Variants in FRK observed in about 807,000 individuals in gnomAD.
FRK encodes tyrosine-protein kinase FRK.
A neutral mutation model predicts 56.4 loss-of-function variants in FRK; 51 were observed. The observed-to-expected ratio is 0.90, with a 90% CI of 0.72 to 1.14. FRK has a LOEUF of 1.14. FRK is among the 50% of genes most tolerant of loss of function. The probability of loss-of-function intolerance (pLI) is 0.00; values close to 1 mark genes in which losing one functional copy is unlikely to be tolerated. For missense variants in FRK, 570 were observed against 601.4 expected, an observed-to-expected ratio of 0.95 and a Z score of 0.55; for synonymous variants, 245 against 217.9, an observed-to-expected ratio of 1.12 and a Z score of -1.10.
At chr6:116,023,800 ATTG>A (rs1251471511) in intron 1 of FRK, among the ~76,000 whole-genome samples, 3 of 152,136 alleles carry the variant, frequency 2.0e-5, no homozygotes, top group Non-Finnish European at 4.4e-5. Flanking sequence ...CTACATCATT[ATTG>A]TTGTGTTATT....
intron 1 of FRK, chr6:116,039,160 G>T (rs1480247328): frequency 2.9e-5 from 30 of 1,046,298 alleles, no homozygotes; most frequent in Non-Finnish European, 4.4e-5. Flanking sequence ...AAAGGGAAGT[G>T]GCATCACTGA....
intron 1 of FRK, among the ~76,000 whole-genome samples, chr6:116,054,963 C>A (rs1777335130): frequency 6.6e-6 from 1 of 151,972 alleles, no homozygotes; most frequent in South Asian, 2.1e-4. Flanking sequence ...GGTCTCATAT[C>A]CCAGCTAAGA....
At chr6:115,966,720 G>A (rs1017804602) in intron 4 of FRK, among the ~76,000 whole-genome samples, 7 of 152,168 alleles carry the variant, frequency 4.6e-5, no homozygotes, top group Admixed American at 3.3e-4. Flanking sequence ...CACTTTTATA[G>A]ACTGTCACTT....
At chr6:115,947,041 T>C (rs1323383627) in intron 5 of FRK, among the ~76,000 whole-genome samples, 1 of 151,920 alleles carries the variant, frequency 6.6e-6, no homozygotes, top group Non-Finnish European at 1.5e-5. Flanking sequence ...ACAAGAAGGT[T>C]CTGGTAGAGG....
the FRK span, among the ~76,000 whole-genome samples, chr6:116,088,939 A>C: frequency 1.3e-5 from 2 of 152,218 alleles, no homozygotes; most frequent in African/African-American, 4.8e-5. Context: ...ACAGTTTATA[A>C]GGGATTCCTG....
chr6:116,033,135 C>T (rs1343007632), intron 1 of FRK, among the ~76,000 whole-genome samples: 1 of 151,354 alleles, frequency 6.6e-6, no homozygotes, highest in African/African-American at 2.4e-5. Context: ...TATGATGGAT[C>T]ACAGGCAGCC....
intron 2 of FRK, among the ~76,000 whole-genome samples, chr6:115,975,277 A>G (rs1773950936): frequency 1.3e-5 from 2 of 152,096 alleles, no homozygotes; most frequent in Admixed American, 1.3e-4. Context: ...ATGAGCATTT[A>G]TATATGGTTC....
chr6:115,998,200 A>G (rs1223267484), intron 2 of FRK, among the ~76,000 whole-genome samples: 1 of 152,084 alleles, frequency 6.6e-6, no homozygotes, highest in Non-Finnish European at 1.5e-5. Flanking sequence ...CTATAATTTC[A>G]AACAGCAACT....
the FRK span, among the ~76,000 whole-genome samples, chr6:116,089,968 T>C: frequency 1.3e-5 from 2 of 152,326 alleles, no homozygotes; most frequent in South Asian, 2.1e-4. Flanking sequence ...AATGCCAGAT[T>C]TAGCAAATAA....
At chr6:116,037,915 G>A (rs1010948346) in intron 1 of FRK, among the ~76,000 whole-genome samples, 11 of 152,174 alleles carry the variant, frequency 7.2e-5, no homozygotes, top group African/African-American at 2.7e-4. Context: ...ACACTTTCCT[G>A]CCTTGCTTTG....
At chr6:115,945,218 G>GATATATAATAAAATAAT (rs1772376016) in intron 5 of FRK, among the ~76,000 whole-genome samples, 1 of 151,968 alleles carries the variant, frequency 6.6e-6, no homozygotes, top group African/African-American at 2.4e-5. Flanking sequence ...TATTCCTTTG[G>GATATATAATAAAATAAT]TTATATATCC....
intron 1 of FRK, among the ~76,000 whole-genome samples, chr6:116,050,700 G>A (rs78260270): frequency 6.6e-6 from 1 of 152,168 alleles, no homozygotes; most frequent in African/African-American, 2.4e-5. Context: ...CTGGAGAAGA[G>A]TATTGTCTTA....
chr6:115,958,768 A>G (rs784019), intron 4 of FRK, among the ~76,000 whole-genome samples: 59,140 of 80,630 alleles, frequency 0.73, 22,343 homozygotes, highest in East Asian at 0.95. Flanking sequence ...AGAAAGAAAG[A>G]GGGGGGGGAA....
At chr6:116,000,245 T>TGACAGAATC (rs1562278830) in intron 2 of FRK, among the ~76,000 whole-genome samples, 18 of 105,348 alleles carry the variant, frequency 1.7e-4, no homozygotes, top group South Asian at 4.2e-4. Flanking sequence ...TTTTTTTTTT[T>TGACAGAATC]TTTTTTTTTT....
At chr6:115,983,516 T>C (rs1774284201) in intron 2 of FRK, among the ~76,000 whole-genome samples, 1 of 152,184 alleles carries the variant, frequency 6.6e-6, no homozygotes, top group African/African-American at 2.4e-5. Flanking sequence ...CTCCATCTAA[T>C]ACCATGACTC....
chr6:115,946,739 G>A (rs567512697), intron 5 of FRK, among the ~76,000 whole-genome samples: 6 of 151,934 alleles, frequency 3.9e-5, no homozygotes, highest in East Asian at 3.9e-4. Flanking sequence ...CAAGAAAACC[G>A]TGAAGAATCA....
the FRK span, among the ~76,000 whole-genome samples, chr6:116,081,927 T>A: frequency 6.6e-6 from 1 of 152,024 alleles, no homozygotes; most frequent in African/African-American, 2.4e-5. Flanking sequence ...AGAATAATAA[T>A]AAACAATAAT....
rs147684546 is a variant in FRK at position 115,950,731 on chromosome 6, G to T, written c.958+5721C>A. On this transcript the variant is annotated intron_variant, in intron 5 of 7. Transcript: ENST00000606080. Reference sequence around the variant, plus strand: ...AGACACATGCACATGCATGTTTATTGTGGCACTATTCACAATAGCAAAGAC... The same window carrying T: ...AGACACATGCACATGCATGTTTATTTTGGCACTATTCACAATAGCAAAGAC... Among the ~76,000 whole-genome samples, 186 of 152,314 alleles carry T rather than the reference G, an allele frequency of 1.2e-3. 1 individual carries two copies. Among genetic ancestry groups the T allele is most frequent in the African/African-American group, 4.1e-3 (172 of 41,574 alleles).
intron 4 of FRK, among the ~76,000 whole-genome samples, chr6:115,960,537 C>A (rs1225387532): frequency 6.9e-6 from 1 of 144,592 alleles, no homozygotes; most frequent in African/African-American, 2.6e-5. Flanking sequence ...CTGGGTGGAG[C>A]CCACCACAGC....
Sources: allele counts gnomAD v4.1 joint callset (sites outside exome capture counted in the v4.1 genomes callset), GRCh38; gene constraint gnomAD v4.1.1; transcripts MANE v1.5; gene names NCBI Gene and HGNC (gene_info 2026-07-23, HGNC 2026-07-21).